The following CHD6 variants were observed in gnomAD, a reference collection of about 807,000 sequenced individuals.
CHD6 encodes ATP-dependent chromatin remodeler CHD6.
CHD6 carries 50 observed loss-of-function variants against 276.9 expected under a neutral mutation model. The observed-to-expected ratio is 0.18, with a 90% confidence interval of 0.14 to 0.23. CHD6 has a LOEUF of 0.23. Among genes scored for constraint, CHD6 ranks in the 10% least tolerant of loss-of-function variants. The pLI, the probability that CHD6 is intolerant of heterozygous loss-of-function variation, is 1.00. For synonymous variants in CHD6, 1,173 were observed against 1,229.3 expected (o/e 0.95, Z 0.96); for missense variants, 2,564 against 3,365.8 (o/e 0.76, Z 5.89).
chr20:41,470,384 G>A (rs2043026907), intron 17 of CHD6, among the ~76,000 whole-genome samples: 1 of 151,222 alleles, frequency 6.6e-6, no homozygotes, highest in Non-Finnish European at 1.5e-5. Flanking sequence ...TTCCTTCCGA[G>A]TTGTACACAT....
intron 27 of CHD6, among the ~76,000 whole-genome samples, chr20:41,435,934 G>T (rs1376563774): frequency 6.6e-6 from 1 of 152,144 alleles, no homozygotes; most frequent in Non-Finnish European, 1.5e-5. Flanking sequence ...GAAAAGAGCA[G>T]AGAACTCAGA....
chr20:41,458,611 T>C (rs992032721), intron 17 of CHD6, among the ~76,000 whole-genome samples: 1 of 152,154 alleles, frequency 6.6e-6, no homozygotes, highest in African/African-American at 2.4e-5. Context: ...CACACAGATA[T>C]AGAAATAGGT....
intron 5 of CHD6, among the ~76,000 whole-genome samples, chr20:41,501,070 G>C (rs1027443261): frequency 6.6e-6 from 1 of 152,182 alleles, no homozygotes; most frequent in African/African-American, 2.4e-5. Context: ...ACTATGGCGA[G>C]TGGGCAGTGA....
Position 41,454,612 on chromosome 20 carries a change from T to C in CHD6, c.3120+14A>G, listed in dbSNP as rs745312758. 1.3e-6 allele frequency: 2 copies of C among 1,579,144 alleles called. No homozygotes were observed. Among genetic ancestry groups the C allele is most frequent in the African/African-American group, 1.3e-5 (1 of 74,202 alleles). On this transcript the variant is annotated intron_variant, in intron 20 of 36. Coordinates refer to ENST00000373233, the MANE Select transcript of CHD6 (RefSeq NM_032221.5). ...AGTGAATGTTCCATGGAATAAAATA[T>C]TATTTTGCTGTACCTTTTCATTCTT... is the stretch of plus-strand genomic sequence containing the variant.
At chr20:41,534,780 C>T (rs1178666537) in intron 2 of CHD6, among the ~76,000 whole-genome samples, 1 of 151,992 alleles carries the variant, frequency 6.6e-6, no homozygotes, top group Non-Finnish European at 1.5e-5. Flanking sequence ...GATAAGTGGA[C>T]ATAAAAGGAA....
At position 41,421,747 on chromosome 20, in the gene CHD6, A is replaced by G; in HGVS notation, c.4888T>C (p.Cys1630Arg). 6.2e-7 allele frequency: 1 copy of G among 1,614,234 alleles called. No homozygotes were observed. The highest frequency in any genetic ancestry group is 8.5e-7 in the Non-Finnish European group (1 of 1,180,036). Residue 1630 changes from cysteine (C) to arginine (R), a missense_variant, in exon 31 of 37, where the codon TGT becomes CGT. Physicochemically the swap from Cys to Arg is radical, Grantham distance 180. Around this residue, in one of 7 missense-constraint regions of CHD6, gnomAD observed 1,024 missense variants for 1,047.9 expected, o/e 0.98. Coordinates refer to ENST00000373233, the MANE Select transcript of CHD6 (RefSeq NM_032221.5). ...TTGGAGTTGGTCTGGTAAAGGCAAC[A>G]GAGATTTCCTGGTGCCTGGGTGCCA... ...RSGTQAPGNL[C>R]CLYQTNSKLY...
intron 34 of CHD6, chr20:41,414,688 G>A (rs563185911): frequency 1.8e-5 from 5 of 283,190 alleles, no homozygotes; most frequent in South Asian, 1.2e-4. Flanking sequence ...TCAACCCTCC[G>A]TGGTAGATGC....
chr20:41,535,186 G>T (rs1414309087), intron 2 of CHD6, among the ~76,000 whole-genome samples: 1 of 152,022 alleles, frequency 6.6e-6, no homozygotes, highest in Non-Finnish European at 1.5e-5. Flanking sequence ...GAAGGACAGG[G>T]GTCCCCAAAG....
At chr20:41,533,004 T>G in intron 3 of CHD6, 46 bp downstream of exon 3, 1 of 1,532,678 alleles carries the variant, frequency 6.5e-7, no homozygotes, top group South Asian at 1.3e-5. Context: ...CAAATCGTTC[T>G]GCACTGGCAT....
intron 1 of CHD6, among the ~76,000 whole-genome samples, chr20:41,594,030 C>T (rs2045692103): frequency 6.6e-6 from 1 of 151,606 alleles, no homozygotes; most frequent in Non-Finnish European, 1.5e-5. Context: ...AGAAGAGATG[C>T]TACTTCTAAA....
chr20:41,417,266 C>G lies in CHD6; in HGVS notation c.6211G>C (p.Ala2071Pro). 5 of 1,614,152 alleles carry G rather than the reference C, an allele frequency of 3.1e-6. No individual in the cohort carries two copies. Among genetic ancestry groups the G allele is most frequent in the Non-Finnish European group, 3.4e-6 (4 of 1,180,010 alleles). The change falls in exon 32 of 37, where the codon GCT (alanine) becomes CCT (proline). Residue 2071 changes from alanine (A) to proline (P), a missense_variant. Physicochemically the swap from Ala to Pro is conservative, Grantham distance 27. Transcript: ENST00000373233. ...TGDIGDELQEARAPTIAQLLQ... is the reference protein window; with the variant it reads ...TGDIGDELQEPRAPTIAQLLQ... ...AGCTGAGCAATAGTGGGAGCTCGAG[C>G]CTCCTGTAGCTCATCCCCAATGTCT...
rs188713893 is a variant in CHD6, at chr20:41,516,290, G to C, written c.555-1338C>G. Among the ~76,000 whole-genome samples the C allele has an allele frequency of 4.9e-3, 741 of 152,128 alleles. 4 individuals carry two copies. The highest frequency in any genetic ancestry group is 0.037 in the Middle Eastern group (11 of 294). On this transcript the variant is annotated intron_variant, in intron 3 of 36. Coordinates refer to ENST00000373233, the MANE Select transcript of CHD6 (RefSeq NM_032221.5). ...TTCTCCTGCCTCAGTCTCCCCTGTAGCTGGGATTACAGGTGTCCGTCACCA... is the reference window on the plus strand; with the variant it reads ...TTCTCCTGCCTCAGTCTCCCCTGTACCTGGGATTACAGGTGTCCGTCACCA...
chr20:41,546,591 T>C (rs779879764), intron 2 of CHD6, among the ~76,000 whole-genome samples: 3 of 152,188 alleles, frequency 2.0e-5, no homozygotes, highest in African/African-American at 4.8e-5. Context: ...TCCTATATCA[T>C]TGTTTCGTTG....
chr20:41,433,810 T>C (rs1382621016), intron 27 of CHD6, among the ~76,000 whole-genome samples: 1 of 152,044 alleles, frequency 6.6e-6, no homozygotes, highest in East Asian at 1.9e-4. Flanking sequence ...ATATTATAAA[T>C]GGAAGAGGGT....
At chr20:41,541,636 GA>G (rs2044943992) in intron 2 of CHD6, among the ~76,000 whole-genome samples, 1 of 152,170 alleles carries the variant, frequency 6.6e-6, no homozygotes, top group South Asian at 2.1e-4. Flanking sequence ...AAGTTGGTGG[GA>G]AAAAATGTAA....
chr20:41,498,088 A>C (rs2145895061), intron 7 of CHD6, 80 bp downstream of exon 7: 2 of 968,850 alleles, frequency 2.1e-6, no homozygotes, highest in East Asian at 4.8e-5. Flanking sequence ...CTGAAGATGT[A>C]GAAGATAATA....
chr20:41,589,331 C>G (rs2045630871), intron 1 of CHD6, among the ~76,000 whole-genome samples: 1 of 152,094 alleles, frequency 6.6e-6, no homozygotes, highest in African/African-American at 2.4e-5. Context: ...CCTCTCTCAC[C>G]ACTCCTATTC....
At chr20:41,531,890 TTA>T (rs2146064605) in intron 3 of CHD6, among the ~76,000 whole-genome samples, 1 of 152,266 alleles carries the variant, frequency 6.6e-6, no homozygotes, top group South Asian at 2.1e-4. Flanking sequence ...CCTCATTACT[TTA>T]TGTTTTGTTA....
At chr20:41,412,046 G>A (rs939554655) in intron 36 of CHD6, 98 bp downstream of exon 36, 57 of 1,515,930 alleles carry the variant, frequency 3.8e-5, no homozygotes, top group Middle Eastern at 2.4e-4. Context: ...GTCTCCCAGC[G>A]AACCCCTTCC....
Sources: allele counts gnomAD v4.1 joint callset (sites outside exome capture counted in the v4.1 genomes callset), GRCh38; gene constraint gnomAD v4.1.1; regional missense constraint gnomAD v4.1.1; transcripts MANE v1.5; gene names NCBI Gene and HGNC (gene_info 2026-07-23, HGNC 2026-07-21).